The following WASHC5 variants were observed in gnomAD, a reference collection of about 807,000 sequenced individuals.
WASHC5 encodes the protein WASH complex subunit 5, also known as WASH complex subunit strumpellin.
In WASHC5, 101 loss-of-function variants were observed where a neutral mutation model predicts 150.4. The ratio of observed to expected loss-of-function variants is 0.67; its 90% CI spans 0.57 to 0.79. The LOEUF is 0.79. Among genes scored for constraint, WASHC5 ranks in the 30% least tolerant of loss-of-function variants. The pLI, the probability that WASHC5 is intolerant of heterozygous loss-of-function variation, is 0.00. For missense variants in WASHC5, 1,195 were observed against 1,396.3 expected (o/e 0.86, Z 2.30); for synonymous variants, 467 against 491.2 (o/e 0.95, Z 0.65).
chr8:125,032,987 C>T (rs552577732), intron 26 of WASHC5, among the ~76,000 whole-genome samples: 2 of 151,780 alleles, frequency 1.3e-5, no homozygotes, highest in South Asian at 2.1e-4. Context: ...AGTGGCTATT[C>T]GCAGGTGCAA....
chr8:125,047,889 C>T (rs1015289303), intron 19 of WASHC5, among the ~76,000 whole-genome samples: 2 of 152,052 alleles, frequency 1.3e-5, no homozygotes, highest in African/African-American at 4.8e-5. Context: ...CTCTGTTGCC[C>T]AGGCTGGAGT....
chr8:125,066,446 G>A (rs1816746837), intron 10 of WASHC5, among the ~76,000 whole-genome samples: 1 of 152,088 alleles, frequency 6.6e-6, no homozygotes, highest in Non-Finnish European at 1.5e-5. Flanking sequence ...AAGCCCCCAG[G>A]GATACTGGTT....
chr8:125,067,521 CT>C (rs1275825810), intron 10 of WASHC5, 70 bp downstream of exon 10: 13 of 1,332,986 alleles, frequency 9.8e-6, no homozygotes, highest in East Asian at 2.5e-5. Context: ...CAATCCTAGT[CT>C]TTTTTTTAAA....
At position 125,044,813 on chromosome 8, in the gene WASHC5, T is replaced by C. The variant is rs912863880; in HGVS notation, c.2505-115A>G. The C allele has an allele frequency of 6.0e-5, 65 of 1,082,876 alleles. 1 individual carries two copies. The highest frequency in any genetic ancestry group is 8.7e-5 in the Non-Finnish European group (62 of 708,650). The allele number at this position is 1,082,876 out of a possible 1,614,324, so 67.1% of individuals were successfully genotyped here. A position where few individuals can be genotyped will look rare whatever the true frequency, so the allele number is the denominator to read the frequency against. ...TATGAAGAACAGGAGTTACATGATC[T>C]GTGTTTTCTAACCTCTGTATTCAGG... On this transcript the variant is annotated intron_variant, in intron 20 of 28. Transcript: ENST00000318410.
rs749346285 is a variant in WASHC5 at position 125,082,410 on chromosome 8, A to T, written c.390T>A (p.Leu130=). Residue 130 remains leucine (L), a synonymous_variant, in exon 4 of 29, where the codon CTT becomes CTA. Transcript: ENST00000318410. Reference sequence around the variant, plus strand: ...GAAGTTGTTTTCCATCTTCATTGAGAAGCACAGTTTCTAAGGTTTGCTGAA... The same window carrying T: ...GAAGTTGTTTTCCATCTTCATTGAGTAGCACAGTTTCTAAGGTTTGCTGAA... ...VYIQQTLETV[L]LNEDGKQLLC... The T allele has an allele frequency of 6.3e-7, 1 of 1,589,162 alleles. No individual in the cohort carries two copies. The highest frequency in any genetic ancestry group is 1.1e-5 in the South Asian group (1 of 90,400).
At chr8:125,083,330 TA>T in intron 2 of WASHC5, 72 bp from the exon 3 acceptor site, 1 of 1,441,684 alleles carries the variant, frequency 6.9e-7, no homozygotes, top group Non-Finnish European at 9.6e-7. Flanking sequence ...AATAGTCTTT[TA>T]AAAATTTGTT....
intron 9 of WASHC5, among the ~76,000 whole-genome samples, chr8:125,068,935 G>C (rs1397596649): frequency 6.6e-6 from 1 of 152,240 alleles, no homozygotes; most frequent in African/African-American, 2.4e-5. Context: ...TATTTGCTTA[G>C]ATTGGTTTAT....
chr8:125,052,609 T>TACACAC (rs34684600), intron 17 of WASHC5, among the ~76,000 whole-genome samples: 1,669 of 141,810 alleles, frequency 0.012, 20 homozygotes, highest in African/African-American at 0.014. Flanking sequence ...TCACACACAC[T>TACACAC]ACACACACAC....
intron 17 of WASHC5, among the ~76,000 whole-genome samples, chr8:125,051,236 G>C (rs1312655906): frequency 1.3e-5 from 2 of 152,134 alleles, no homozygotes; most frequent in African/African-American, 4.8e-5. Context: ...AGCTTACTTT[G>C]CTAATTATTT....
chr8:125,077,479 A>AT (rs1817099618), intron 6 of WASHC5, among the ~76,000 whole-genome samples: 1 of 152,168 alleles, frequency 6.6e-6, no homozygotes, highest in Admixed American at 6.5e-5. Flanking sequence ...ATGACCAGGG[A>AT]TGGGGGAGGT....
chr8:125,025,407 A>G (rs1235068385), intron 28 of WASHC5, among the ~76,000 whole-genome samples: 1 of 152,170 alleles, frequency 6.6e-6, no homozygotes, highest in Non-Finnish European at 1.5e-5. Context: ...CTTAAAACCT[A>G]GGCTGGGCGT....
chr8:125,024,560 T>C lies in WASHC5; in HGVS notation c.*57A>G. 1.6e-6 allele frequency: 2 copies of C among 1,284,722 alleles called. No homozygotes were observed. Among genetic ancestry groups the C allele is most frequent in the Admixed American group, 1.7e-5 (1 of 59,372 alleles). The allele number at this position is 1,284,722 out of a possible 1,614,324, so 79.6% of individuals were successfully genotyped here. ...AGTTTCTTTTCATCTTCAAATTCAT[T>C]TGTGATGGTGGGAAGATCTAAGGAC... On this transcript the variant is annotated 3_prime_UTR_variant, in exon 29 of 29. Coordinates refer to ENST00000318410, the MANE Select transcript of WASHC5 (RefSeq NM_014846.4).
intron 1 of WASHC5, among the ~76,000 whole-genome samples, chr8:125,084,544 T>C (rs1268045938): frequency 6.6e-6 from 1 of 152,218 alleles, no homozygotes; most frequent in Non-Finnish European, 1.5e-5. Context: ...GATTTATAAA[T>C]ACTAAATCAA....
intron 25 of WASHC5, 151 bp downstream of exon 25, chr8:125,038,679 T>C (rs1815787648): frequency 1.3e-5 from 12 of 892,238 alleles, no homozygotes; most frequent in Non-Finnish European, 2.2e-5. Flanking sequence ...GAAAGTGTGA[T>C]GATTGCTTAG....
chr8:125,029,693 G>T (rs920311611), intron 27 of WASHC5, among the ~76,000 whole-genome samples: 2 of 152,230 alleles, frequency 1.3e-5, no homozygotes. Context: ...ATACAGCAAA[G>T]TACATGCCAG....
At chr8:125,063,682 T>A in intron 10 of WASHC5, 31 bp from the exon 11 acceptor site, 1 of 1,609,816 alleles carries the variant, frequency 6.2e-7, no homozygotes, top group Non-Finnish European at 8.5e-7. Flanking sequence ...ATTTATTTAC[T>A]TAAGAGAAAA....
chr8:125,037,396 G>A (rs1563610526), intron 25 of WASHC5, 63 bp from the exon 26 acceptor site: 12 of 987,734 alleles, frequency 1.2e-5, no homozygotes, highest in East Asian at 7.2e-5. Context: ...CACAGAACAG[G>A]TTTCCAAATG....
intron 7 of WASHC5, 73 bp from the exon 8 acceptor site, chr8:125,075,184 T>C (rs146187544): frequency 1.1e-5 from 10 of 907,378 alleles, no homozygotes; most frequent in East Asian, 2.4e-5. Flanking sequence ...ACTAAAGTTA[T>C]AGAAGGCAAT....
At chr8:125,086,039 T>G (rs79856940) in intron 1 of WASHC5, among the ~76,000 whole-genome samples, 4,107 of 152,258 alleles carry the variant, frequency 0.027, 203 homozygotes, top group African/African-American at 0.095. Context: ...TTCCTTGCCA[T>G]GAAGTCAGCC....
Sources: gnomAD v4.1 joint callset for allele counts (sites outside exome capture counted in the v4.1 genomes callset) on GRCh38, gnomAD v4.1.1 for gene constraint, MANE v1.5 for transcripts, NCBI Gene and HGNC (gene_info 2026-07-23, HGNC 2026-07-21) for gene names.